The following SLC9A9 variants were observed in gnomAD, a reference collection of about 807,000 sequenced individuals.
The protein encoded by SLC9A9 is solute carrier family 9 member A9.
Under a neutral mutation model 77.8 loss-of-function variants are expected in SLC9A9, and 62 were observed. The ratio of observed to expected loss-of-function variants is 0.80; its 90% CI spans 0.65 to 0.98. The LOEUF (loss-of-function observed/expected upper bound fraction) is 0.98. Ranked by LOEUF, SLC9A9 falls within the 50% of genes least tolerant of loss-of-function variation. The pLI, the probability that SLC9A9 is intolerant of heterozygous loss-of-function variation, is 0.00. For synonymous variants in SLC9A9, 320 were observed against 283.5 expected (o/e 1.13, Z -1.29); for missense variants, 775 against 774.9 (o/e 1.00, Z 0.00).
At chr3:143,598,367 G>A (rs912380458) in intron 6 of SLC9A9, among the ~76,000 whole-genome samples, 3 of 152,214 alleles carry the variant, frequency 2.0e-5, no homozygotes, top group African/African-American at 4.8e-5. Flanking sequence ...AAGGAGATGT[G>A]TCTAAAAGTC....
chr3:143,772,289 C>T (rs2007550742), intron 4 of SLC9A9, among the ~76,000 whole-genome samples: 1 of 152,102 alleles, frequency 6.6e-6, no homozygotes, highest in African/African-American at 2.4e-5. Context: ...CTTCGTGCTC[C>T]AAGGCCTCCA....
In SLC9A9 at chr3:143,758,127, C is replaced by A. The variant is rs142942436; in HGVS notation, c.533+36874G>T. 6.5e-3 allele frequency among the ~76,000 whole-genome samples: 996 copies of A among 152,286 alleles called. 10 individuals are homozygous for A. Among genetic ancestry groups the A allele is most frequent in the African/African-American group, 0.021 (884 of 41,562 alleles). ...GGTAAAATCCCGTCTTAATGACTAT[C>A]ATTTATAACACTCAGTTCTACATAA... is the stretch of plus-strand genomic sequence containing the variant. On this transcript the variant is annotated intron_variant, in intron 4 of 15. Coordinates refer to ENST00000316549, the MANE Select transcript of SLC9A9 (RefSeq NM_173653.4).
chr3:143,523,787 C>T (rs1015840208), intron 9 of SLC9A9, among the ~76,000 whole-genome samples: 2 of 152,102 alleles, frequency 1.3e-5, no homozygotes, highest in African/African-American at 4.8e-5. Context: ...GACAATAAAT[C>T]ATGACAACAT....
intron 4 of SLC9A9, among the ~76,000 whole-genome samples, chr3:143,777,112 A>G (rs1054537883): frequency 1.1e-4 from 17 of 152,160 alleles, no homozygotes; most frequent in Admixed American, 1.0e-3. Context: ...TCTCTCAGAA[A>G]TACCAGTCTG....
At chr3:143,700,059 G>A (rs1202129347) in intron 4 of SLC9A9, among the ~76,000 whole-genome samples, 1 of 151,942 alleles carries the variant, frequency 6.6e-6, no homozygotes, top group Non-Finnish European at 1.5e-5. Context: ...CTAGCTCCCA[G>A]ATAACATTTC....
At chr3:143,622,176 G>C (rs1161554059) in intron 6 of SLC9A9, among the ~76,000 whole-genome samples, 34 of 152,238 alleles carry the variant, frequency 2.2e-4, no homozygotes, top group Admixed American at 6.5e-4. Context: ...ATGGAACCAA[G>C]TTGGAAAACA....
At chr3:143,351,940 G>A (rs913826666) in intron 14 of SLC9A9, among the ~76,000 whole-genome samples, 2 of 151,798 alleles carry the variant, frequency 1.3e-5, no homozygotes, top group African/African-American at 4.8e-5. Flanking sequence ...AGAAAAGGGG[G>A]AAAAAAAGGA....
chr3:143,475,685 G>C (rs1023617114), intron 11 of SLC9A9, among the ~76,000 whole-genome samples: 3 of 151,842 alleles, frequency 2.0e-5, no homozygotes, highest in Non-Finnish European at 4.4e-5. Flanking sequence ...CCAGGTACTC[G>C]GGAGGCTGAG....
intron 12 of SLC9A9, among the ~76,000 whole-genome samples, chr3:143,394,896 G>A (rs981650159): frequency 3.4e-4 from 52 of 152,194 alleles, no homozygotes; most frequent in Non-Finnish European, 2.8e-4. Flanking sequence ...TACAAGGGAT[G>A]TGAAGGACCT....
intron 12 of SLC9A9, among the ~76,000 whole-genome samples, chr3:143,384,537 G>A (rs1273625164): frequency 2.6e-5 from 4 of 152,186 alleles, no homozygotes; most frequent in East Asian, 3.8e-4. Context: ...AACATTTAAC[G>A]TTTGAGGCAG....
chr3:143,394,284 A>G (rs2033644396), intron 12 of SLC9A9, among the ~76,000 whole-genome samples: 1 of 152,200 alleles, frequency 6.6e-6, no homozygotes, highest in Non-Finnish European at 1.5e-5. Context: ...CCTGGGATGC[A>G]AGGCTGGTTC....
At chr3:143,587,917 A>G (rs1015808583) in intron 6 of SLC9A9, among the ~76,000 whole-genome samples, 3 of 152,248 alleles carry the variant, frequency 2.0e-5, no homozygotes, top group Non-Finnish European at 4.4e-5. Context: ...GTATAGATTA[A>G]TTTAGCAGAA....
chr3:143,489,612 T>C (rs1576531511), intron 11 of SLC9A9, among the ~76,000 whole-genome samples: 1 of 152,168 alleles, frequency 6.6e-6, no homozygotes, highest in African/African-American at 2.4e-5. Context: ...ACATTGGATT[T>C]GGCAATAATT....
At chr3:143,623,277 A>G (rs1479372107) in intron 6 of SLC9A9, among the ~76,000 whole-genome samples, 1 of 152,248 alleles carries the variant, frequency 6.6e-6, no homozygotes, top group Non-Finnish European at 1.5e-5. Context: ...ATAGACATCT[A>G]CAGAATTCTC....
At chr3:143,780,142 T>C (rs1453850072) in intron 4 of SLC9A9, among the ~76,000 whole-genome samples, 2 of 152,220 alleles carry the variant, frequency 1.3e-5, no homozygotes, top group African/African-American at 2.4e-5. Context: ...CACAATCATG[T>C]AAGCAATTTA....
chr3:143,618,187 C>T (rs2038139662), intron 6 of SLC9A9, among the ~76,000 whole-genome samples: 1 of 152,166 alleles, frequency 6.6e-6, no homozygotes, highest in South Asian at 2.1e-4. Flanking sequence ...CCTGAGCCCT[C>T]TTAGGGAATT....
rs546218338 is a variant in SLC9A9 at position 143,329,563 on chromosome 3, G to C, written c.1604+33921C>G. ...TCTGCCATCCTCCCATATGGCAGGT[G>C]TGCAGGCCACCTTGGCCTCCTGCGC... On this transcript the variant is annotated intron_variant, in intron 14 of 15. Transcript: ENST00000316549. Among the ~76,000 whole-genome samples, 330 of 152,322 alleles carry C rather than the reference G, an allele frequency of 2.2e-3. 2 individuals are homozygous for C. Among genetic ancestry groups the C allele is most frequent in the African/African-American group, 7.8e-3 (324 of 41,584 alleles).
intron 4 of SLC9A9, among the ~76,000 whole-genome samples, chr3:143,702,639 G>A (rs769725577): frequency 9.2e-5 from 14 of 151,578 alleles, no homozygotes; most frequent in Non-Finnish European, 1.6e-4. Flanking sequence ...AAGAGGAAGA[G>A]AGGAAGAACG....
chr3:143,818,043 A>G (rs2009067204), intron 2 of SLC9A9, among the ~76,000 whole-genome samples: 1 of 152,218 alleles, frequency 6.6e-6, no homozygotes, highest in African/African-American at 2.4e-5. Flanking sequence ...AAAAAAAAAT[A>G]TGTAAATGAC....
Sources: gnomAD v4.1 joint callset for allele counts (sites outside exome capture counted in the v4.1 genomes callset) on GRCh38, gnomAD v4.1.1 for gene constraint, MANE v1.5 for transcripts, NCBI Gene and HGNC (gene_info 2026-07-23, HGNC 2026-07-21) for gene names.